XPO6: variants seen among roughly 807,000 people sequenced by gnomAD.
XPO6 encodes the protein exportin 6, also known as exportin-6.
XPO6 carries 3 observed loss-of-function variants against 130.0 expected under a neutral mutation model. The ratio of observed to expected loss-of-function variants is 0.02; its 90% CI spans 0.01 to 0.06. The LOEUF is 0.06. Among genes scored for constraint, XPO6 ranks in the 10% least tolerant of loss-of-function variants. The pLI is 1.00. For synonymous variants in XPO6, 524 were observed against 548.9 expected, an observed-to-expected ratio of 0.95 and a Z score of 0.63; for missense variants, 970 against 1,393.0, an observed-to-expected ratio of 0.70 and a Z score of 4.83.
intron 7 of XPO6, chr16:28,153,125 T>C: frequency 1.9e-6 from 2 of 1,028,308 alleles, no homozygotes; most frequent in Middle Eastern, 4.7e-4. Flanking sequence ...GTCATTTCAA[T>C]CTGGCAAGTC....
chr16:28,153,201 C>T (rs1303894612), intron 7 of XPO6: 1 of 993,002 alleles, frequency 1.0e-6, no homozygotes, highest in Non-Finnish European at 1.2e-6. Flanking sequence ...GACACAAAAA[C>T]AAAACCAGGC....
Position 28,156,224 on chromosome 16 carries a change from A to G in XPO6, c.947T>C (p.Ile316Thr). Residue 316 changes from isoleucine (I) to threonine (T), a missense_variant, in exon 7 of 24, where the codon ATC becomes ACC. Physicochemically the swap from Ile to Thr is moderately conservative, Grantham distance 89 (BLOSUM62 -1). Transcript: ENST00000304658. Reference protein sequence around the residue: ...GRLGVLAMSCINELMSKNCVP... With the variant: ...GRLGVLAMSCTNELMSKNCVP... The stretch of plus-strand genomic sequence containing the variant: ...ACAGTTCTTGGACATGAGTTCATTG[A>G]TGCAGGACATGGCCAGGACCCCCAG... The G allele has an allele frequency of 6.2e-7, 1 of 1,614,154 alleles. No homozygotes were observed. The highest frequency in any genetic ancestry group is 8.5e-7 in the Non-Finnish European group (1 of 1,180,024).
At chr16:28,175,414 C>T (rs2043518347) in intron 4 of XPO6, among the ~76,000 whole-genome samples, 1 of 152,216 alleles carries the variant, frequency 6.6e-6, no homozygotes, top group African/African-American at 2.4e-5. Context: ...CCTTCCTGGC[C>T]TGGCCTCTGC....
chr16:28,181,254 G>GTA, intron 1 of XPO6: 1 of 436,654 alleles, frequency 2.3e-6, no homozygotes, highest in Non-Finnish European at 4.1e-6. Context: ...TCATGCTACT[G>GTA]TGCAGCTGAT....
chr16:28,103,828 G>C (rs558129506), intron 21 of XPO6, among the ~76,000 whole-genome samples: 87 of 152,352 alleles, frequency 5.7e-4, no homozygotes, highest in Non-Finnish European at 9.1e-4. Flanking sequence ...TGTGCATGCT[G>C]TGTGCTAGTA....
chr16:28,170,579 GTAT>G (rs2043433751), intron 4 of XPO6, among the ~76,000 whole-genome samples: 2 of 152,070 alleles, frequency 1.3e-5, no homozygotes, highest in Non-Finnish European at 2.9e-5. Context: ...AATTATATCT[GTAT>G]TAGTGATTAA....
chr16:28,119,950 T>C (rs2087186358), intron 14 of XPO6, among the ~76,000 whole-genome samples: 1 of 152,076 alleles, frequency 6.6e-6, no homozygotes, highest in African/African-American at 2.4e-5. Context: ...CAAGCGACTC[T>C]CCCAGCTCAG....
chr16:28,112,309 G>A (rs190341056), intron 16 of XPO6, among the ~76,000 whole-genome samples: 2 of 152,302 alleles, frequency 1.3e-5, no homozygotes, highest in East Asian at 1.9e-4. Context: ...TGAATCTCAG[G>A]CATTGTTCAG....
intron 9 of XPO6, among the ~76,000 whole-genome samples, chr16:28,138,040 C>T (rs574221115): frequency 2.0e-5 from 3 of 152,116 alleles, no homozygotes; most frequent in Admixed American, 6.5e-5. Context: ...ACCTAACACA[C>T]GCCAGCCCTA....
At chr16:28,133,147 C>T (rs1306286347) in intron 11 of XPO6, among the ~76,000 whole-genome samples, 2 of 152,166 alleles carry the variant, frequency 1.3e-5, no homozygotes, top group Non-Finnish European at 1.5e-5. Context: ...ACCATCCTGG[C>T]TAACACGGTG....
chr16:28,176,150 C>G, intron 3 of XPO6, 55 bp from the exon 4 acceptor site: 1 of 1,541,346 alleles, frequency 6.5e-7, no homozygotes. Context: ...AAAATAACTG[C>G]TTTTCATCCC....
intron 4 of XPO6, among the ~76,000 whole-genome samples, chr16:28,172,032 G>A (rs1017009066): frequency 6.6e-6 from 1 of 152,088 alleles, no homozygotes; most frequent in African/African-American, 2.4e-5. Context: ...CTATAAATAT[G>A]AAATGCTGTG....
intron 7 of XPO6, 164 bp downstream of exon 7, chr16:28,155,910 T>G: frequency 7.1e-7 from 1 of 1,403,352 alleles, no homozygotes; most frequent in South Asian, 1.7e-5. Flanking sequence ...ACCCAAGCCC[T>G]TCCAGCTAAT....
chr16:28,106,082 G>A lies in XPO6; in HGVS notation c.2745C>T (p.Ile915=), dbSNP rs1308831413. ...QVFKPFLPSI[I]ALCMEQVYPI... ...GATACACTTGCTCCATGCACAGGGC[G>A]ATGATGCTGGGGAGGAAGGGCTTGA... The change falls in exon 20 of 24, where the codon ATC becomes ATT. Residue 915 remains isoleucine (I), a synonymous_variant. Coordinates refer to ENST00000304658, the MANE Select transcript of XPO6 (RefSeq NM_015171.4). The surrounding 1 kb of genome is among the most constrained non-coding windows in gnomAD (Gnocchi z 4.2). 5 of 1,614,198 alleles carry A rather than the reference G, an allele frequency of 3.1e-6. No individual in the cohort carries two copies. The highest frequency in any genetic ancestry group is 4.2e-6 in the Non-Finnish European group (5 of 1,180,030).
intron 1 of XPO6, among the ~76,000 whole-genome samples, chr16:28,191,718 C>T (rs755826553): frequency 3.9e-5 from 6 of 152,106 alleles, no homozygotes; most frequent in Non-Finnish European, 8.8e-5. Flanking sequence ...GAGTTCTGCT[C>T]CAAGGGTTTT....
intron 1 of XPO6, among the ~76,000 whole-genome samples, chr16:28,181,502 G>A (rs532953779): frequency 7.0e-6 from 1 of 143,022 alleles, no homozygotes; most frequent in Non-Finnish European, 1.5e-5. Context: ...GGTTTGGGGG[G>A]TAACCAGGGA....
chr16:28,118,867 C>G (rs558067140), intron 14 of XPO6, among the ~76,000 whole-genome samples: 5 of 152,302 alleles, frequency 3.3e-5, no homozygotes, highest in South Asian at 2.1e-4. Context: ...ATCACCCCCC[C>G]AGACTTGAGC....
At chr16:28,119,814 C>T (rs901518957) in intron 14 of XPO6, among the ~76,000 whole-genome samples, 11 of 152,146 alleles carry the variant, frequency 7.2e-5, no homozygotes, top group African/African-American at 2.7e-4. Flanking sequence ...GATACACACA[C>T]TGAAGGATTT....
At chr16:28,118,629 T>C (rs192285797) in intron 14 of XPO6, among the ~76,000 whole-genome samples, 1 of 152,374 alleles carries the variant, frequency 6.6e-6, no homozygotes, top group African/African-American at 2.4e-5. Flanking sequence ...AGGGCTGGGA[T>C]TGCAGGTGTG....
Sources: allele counts gnomAD v4.1 joint callset (sites outside exome capture counted in the v4.1 genomes callset), GRCh38; gene constraint gnomAD v4.1.1; non-coding constraint Gnocchi (gnomAD v3.1); transcripts MANE v1.5; gene names NCBI Gene and HGNC (gene_info 2026-07-23, HGNC 2026-07-21).